BIRC6: variants seen among roughly 807,000 people sequenced by gnomAD.
The protein encoded by BIRC6 is baculoviral IAP repeat containing 6, also known as dual E2 ubiquitin-conjugating enzyme/E3 ubiquitin-protein ligase BIRC6.
A neutral mutation model predicts 503.3 loss-of-function variants in BIRC6; 98 were observed. That is an observed-to-expected ratio of 0.19 (90% confidence interval 0.17 to 0.23). The LOEUF (loss-of-function observed/expected upper bound fraction) is 0.23, where lower values mean the gene tolerates loss of function less well. Among genes scored for constraint, BIRC6 ranks in the 10% least tolerant of loss-of-function variants. The pLI, the probability that BIRC6 is intolerant of heterozygous loss-of-function variation, is 1.00. For missense variants in BIRC6, 5,360 were observed against 5,806.0 expected (o/e 0.92, Z 2.50); for synonymous variants, 2,240 against 2,078.7 (o/e 1.08, Z -2.11).
chr2:32,440,849 A>G (rs2045351804), intron 16 of BIRC6, among the ~76,000 whole-genome samples: 1 of 151,668 alleles, frequency 6.6e-6, no homozygotes, highest in Admixed American at 6.6e-5. Flanking sequence ...TGCAGCCTCC[A>G]CCCACTGAGT....
rs369169755 is a variant in BIRC6 at position 32,399,737 on chromosome 2, G to C, written c.1035-1426G>C. On this transcript the variant is annotated intron_variant, in intron 6 of 73. Transcript: ENST00000421745. Reference sequence around the variant, plus strand: ...GATAATTCTTAAAGTCATTATACCAGTCTTGATATGAGGTCCTAGTATTTT... The same window carrying C: ...GATAATTCTTAAAGTCATTATACCACTCTTGATATGAGGTCCTAGTATTTT... 5.3e-5 allele frequency among the ~76,000 whole-genome samples: 8 copies of C among 152,178 alleles called. No homozygotes were observed. In the East Asian group the frequency reaches 1.5e-3, roughly 29 times the overall value.
chr2:32,369,513 C>T (rs183819204), intron 1 of BIRC6, among the ~76,000 whole-genome samples: 9 of 147,064 alleles, frequency 6.1e-5, no homozygotes, highest in African/African-American at 1.8e-4. Flanking sequence ...CTACACCCTC[C>T]GCCTCCCGGG....
At chr2:32,476,883 G>A (rs183577921) in intron 34 of BIRC6, among the ~76,000 whole-genome samples, 7 of 152,180 alleles carry the variant, frequency 4.6e-5, no homozygotes, top group Non-Finnish European at 8.8e-5. Flanking sequence ...TAAAACCTTG[G>A]TGTTTACTTT....
At chr2:32,446,204 A>C (rs976240954) in intron 21 of BIRC6, among the ~76,000 whole-genome samples, 1 of 152,222 alleles carries the variant, frequency 6.6e-6, no homozygotes, top group Admixed American at 6.5e-5. Context: ...GGTTATTCAG[A>C]GGGCTAATTT....
chr2:32,611,824 AAGTTCCTTGAAGATAATGATG>A (rs1220862178), intron 73 of BIRC6, among the ~76,000 whole-genome samples: 1 of 152,190 alleles, frequency 6.6e-6, no homozygotes, highest in Non-Finnish European at 1.5e-5. Context: ...GAGTTTTGTA[AAGTTCCTTGAAGATAATGATG>A]ACAAGATGTG....
chr2:32,483,140 C>A (rs1289323737), intron 39 of BIRC6, among the ~76,000 whole-genome samples: 1 of 152,058 alleles, frequency 6.6e-6, no homozygotes, highest in East Asian at 1.9e-4. Context: ...TGGTCTCGAA[C>A]TTGTGACCTC....
chr2:32,440,184 A>C (rs2045254966), intron 16 of BIRC6, among the ~76,000 whole-genome samples: 2 of 152,134 alleles, frequency 1.3e-5, no homozygotes, highest in Non-Finnish European at 2.9e-5. Flanking sequence ...AGCCTGAATT[A>C]ACTTTAGGCA....
At chr2:32,443,782 T>A (rs1319938712) in intron 20 of BIRC6, among the ~76,000 whole-genome samples, 194 bp downstream of exon 20, 1 of 152,184 alleles carries the variant, frequency 6.6e-6, no homozygotes, top group Non-Finnish European at 1.5e-5. Flanking sequence ...AAGGAAAAGG[T>A]TCATGGAGCA....
At position 32,573,458 on chromosome 2, in the gene BIRC6, A is replaced by C. The variant is rs150523758; in HGVS notation, c.13145-1698A>C. 2.7e-3 allele frequency among the ~76,000 whole-genome samples: 418 copies of C among 152,256 alleles called. 1 individual carries two copies. Among genetic ancestry groups the C allele is most frequent in the Admixed American group, 7.3e-3 (112 of 15,284 alleles). On this transcript the variant is annotated intron_variant, in intron 65 of 73. Transcript: ENST00000421745. ...TGATCCATCAGCCTCAGCCTCTCAA[A>C]GTGGTGAAATTGCAGGTGTGAGTCA...
chr2:32,500,140 G>A (rs768957304), intron 46 of BIRC6, 31 bp downstream of exon 46: 42 of 1,527,894 alleles, frequency 2.7e-5, no homozygotes, highest in Non-Finnish European at 3.5e-5. Flanking sequence ...TCTTACCATT[G>A]TCTCTGATAC....
Position 32,416,113 on chromosome 2 carries a change from T to C in BIRC6, c.2822T>C (p.Val941Ala). 6.2e-7 allele frequency: 1 copy of C among 1,613,292 alleles called. No individual in the cohort carries two copies. The highest frequency in any genetic ancestry group is 8.5e-7 in the Non-Finnish European group (1 of 1,179,620). The change falls in exon 10 of 74, where the codon GTT becomes GCT. Residue 941 changes from valine (V) to alanine (A), a missense_variant. This residue lies in a region of BIRC6 where 700 missense variants were observed against 739.3 expected (regional missense o/e 0.95). Transcript: ENST00000421745. Reference sequence around the variant, plus strand: ...GGCACTGAGGAACAGGACACATTTGTTTCTGTGATTTACTGTTCTGGCACA... The same window carrying C: ...GGCACTGAGGAACAGGACACATTTGCTTCTGTGATTTACTGTTCTGGCACA... ...KEGTEEQDTF[V>A]SVIYCSGTDR...
rs142128114 is a variant in BIRC6 at position 32,365,176 on chromosome 2, A to G, written c.325+7690A>G. Among the ~76,000 whole-genome samples, 17 of 152,326 alleles carry G rather than the reference A, an allele frequency of 1.1e-4. No individual in the cohort carries two copies. In the East Asian group the frequency reaches 3.1e-3, roughly 28 times the overall value. On this transcript the variant is annotated intron_variant, in intron 1 of 73. Coordinates refer to ENST00000421745, the MANE Select transcript of BIRC6 (RefSeq NM_016252.4). ...AGAATATTGGCTCTGGAGCCAGACAATTTAAGTTCCAGGTGTGACCTTATG... is the reference window on the plus strand; with the variant it reads ...AGAATATTGGCTCTGGAGCCAGACAGTTTAAGTTCCAGGTGTGACCTTATG...
At position 32,499,831 on chromosome 2, in the gene BIRC6, T is replaced by C; in HGVS notation, c.8753T>C (p.Leu2918Pro). 1 of 1,614,018 alleles carries C rather than the reference T, an allele frequency of 6.2e-7. No homozygotes were observed. Among genetic ancestry groups the C allele is most frequent in the South Asian group, 1.1e-5 (1 of 91,086 alleles). Residue 2918 changes from leucine to proline, a missense_variant, in exon 46 of 74, where the codon CTC becomes CCC. Physicochemically the swap from Leu to Pro is moderately conservative, Grantham distance 98. This residue lies in a region of BIRC6 where 2,299 missense variants were observed against 2,267.2 expected (regional missense o/e 1.01). Transcript: ENST00000421745. ...AVCGEMTRDQ[L>P]MFDLLKLVNI... ...TGTGGCGAAATGACAAGAGATCAAC[T>C]CATGTTTGATTTGTTAAAACTTGTT... is the stretch of plus-strand genomic sequence containing the variant.
At chr2:32,587,274 C>G (rs1216398972) in intron 66 of BIRC6, among the ~76,000 whole-genome samples, 1 of 152,154 alleles carries the variant, frequency 6.6e-6, no homozygotes, top group Non-Finnish European at 1.5e-5. Flanking sequence ...GTAGTCCCAG[C>G]TACTCGGGAG....
chr2:32,597,775 A>G lies in BIRC6; in HGVS notation c.13637A>G (p.Asp4546Gly), dbSNP rs201012678. The G allele has an allele frequency of 5.6e-6, 9 of 1,612,954 alleles. No individual in the cohort carries two copies. In the East Asian group the frequency reaches 8.9e-5, roughly 16 times the overall value. ...GATACGTTTGAAATGGTTTCTGAAGATGAAGATGGGAAATTGGGATTTAAA... is the reference window on the plus strand; with the variant it reads ...GATACGTTTGAAATGGTTTCTGAAGGTGAAGATGGGAAATTGGGATTTAAA... ...QFDTFEMVSE[D>G]EDGKLGFKVN... is the part of the protein sequence containing the mutation. The change falls in exon 69 of 74, where the codon GAT (aspartate) becomes GGT (glycine). Residue 4546 changes from aspartate to glycine, a missense_variant. Physicochemically the swap from Asp to Gly is moderately conservative, Grantham distance 94. This residue lies in a region of BIRC6 where 477 missense variants were observed against 574.4 expected (regional missense o/e 0.83). Coordinates refer to ENST00000421745, the MANE Select transcript of BIRC6 (RefSeq NM_016252.4).
Position 32,478,756 on chromosome 2 carries a change from T to A in BIRC6, c.7190T>A (p.Ile2397Lys), listed in dbSNP as rs764261702. 1 of 1,613,876 alleles carries A rather than the reference T, an allele frequency of 6.2e-7. No homozygotes were observed. The highest frequency in any genetic ancestry group is 1.1e-5 in the South Asian group (1 of 91,062). ...GGAACTGACTTCAATAGAGGAGATA[T>A]ATCTTGGGGTGGTGCTTGGGCTCAG... ...LVGTDFNRGDISWGGAWAQYS... is the reference protein window; with the variant it reads ...LVGTDFNRGDKSWGGAWAQYS... The change falls in exon 36 of 74, where the codon ATA becomes AAA. Residue 2397 changes from isoleucine (I) to lysine (K), a missense_variant. Ile to Lys is a moderately radical substitution (Grantham distance 102). Coordinates refer to ENST00000421745, the MANE Select transcript of BIRC6 (RefSeq NM_016252.4).
chr2:32,441,230 G>A, intron 16 of BIRC6, 99 bp from the exon 17 acceptor site: 1 of 864,364 alleles, frequency 1.2e-6, no homozygotes, highest in Admixed American at 2.9e-5. Flanking sequence ...TATTTTGATG[G>A]CCACAATTCA....
rs2042248314 is a variant in BIRC6 at position 32,414,871 on chromosome 2, T to C, written c.1580T>C (p.Val527Ala). The C allele has an allele frequency of 6.2e-7, 1 of 1,613,894 alleles. No individual in the cohort carries two copies. The highest frequency in any genetic ancestry group is 1.7e-5 in the Admixed American group (1 of 60,010). The change falls in exon 10 of 74, where the codon GTG becomes GCG. Residue 527 changes from valine to alanine, a missense_variant. Transcript: ENST00000421745. ...EKLQWEIVANVLEDTVKDLEE... is the reference protein window; with the variant it reads ...EKLQWEIVANALEDTVKDLEE... ...CTTCAGTGGGAGATTGTTGCAAATG[T>C]GCTTGAAGATACTGTTAAGGATCTT...
intron 72 of BIRC6, among the ~76,000 whole-genome samples, chr2:32,610,221 T>G (rs2062769648): frequency 6.6e-6 from 1 of 152,172 alleles, no homozygotes; most frequent in African/African-American, 2.4e-5. Context: ...TGTCTGTTCT[T>G]TAGGGCAGAC....
Sources: gnomAD v4.1 joint callset for allele counts (sites outside exome capture counted in the v4.1 genomes callset) on GRCh38, gnomAD v4.1.1 for gene constraint, gnomAD v4.1.1 regional missense constraint, MANE v1.5 for transcripts, NCBI Gene and HGNC (gene_info 2026-07-23, HGNC 2026-07-21) for gene names.